The following MTAP variants were observed in gnomAD, a reference collection of about 807,000 sequenced individuals.
MTAP encodes the protein S-methyl-5'-thioadenosine phosphorylase.
A neutral mutation model predicts 33.6 loss-of-function variants in MTAP; 33 were observed. The ratio of observed to expected loss-of-function variants is 0.98; its 90% confidence interval spans 0.74 to 1.31. The LOEUF (loss-of-function observed/expected upper bound fraction) is 1.31. Among genes scored for constraint, MTAP ranks in the 40% most tolerant of loss-of-function variants. The pLI is 0.00. For synonymous variants in MTAP, 148 were observed against 125.7 expected (o/e 1.18, Z -1.19); for missense variants, 367 against 360.0 (o/e 1.02, Z -0.16).
rs1010284389 is a variant in MTAP, at chr9:21,864,330, T to C, written c.*2316T>C. ...TGAAGAACACTTCCTGGAACACTTCTCACTTGTGATGCTGTACTAATTTTT... is the reference window on the plus strand; with the variant it reads ...TGAAGAACACTTCCTGGAACACTTCCCACTTGTGATGCTGTACTAATTTTT... On this transcript the variant is annotated 3_prime_UTR_variant, in exon 8 of 8. Coordinates refer to ENST00000644715, the MANE Select transcript of MTAP (RefSeq NM_002451.4). 8 of 985,068 alleles carry C rather than the reference T, an allele frequency of 8.1e-6. No homozygotes were observed. The highest frequency in any genetic ancestry group is 9.6e-6 in the Non-Finnish European group (8 of 829,850). 61.0% of individuals were successfully genotyped at this position (985,068 alleles called of 1,614,324 possible). A position where few individuals can be genotyped will look rare whatever the true frequency, so the allele number is the denominator to read the frequency against.
At chr9:21,914,361 G>A (rs922492540) in intron 1 of MTAP, among the ~76,000 whole-genome samples, 2 of 152,108 alleles carry the variant, frequency 1.3e-5, no homozygotes, top group African/African-American at 4.8e-5. Flanking sequence ...ATTCACAATA[G>A]CAAAGACTTG....
chr9:21,854,408 C>T (rs1825586778), intron 5 of MTAP, among the ~76,000 whole-genome samples: 1 of 152,194 alleles, frequency 6.6e-6, no homozygotes, highest in African/African-American at 2.4e-5. Flanking sequence ...TTAGTTTCTA[C>T]ATGCAAAGGG....
chr9:21,819,799 C>A (rs1487452425), intron 4 of MTAP, among the ~76,000 whole-genome samples: 6 of 152,160 alleles, frequency 3.9e-5, no homozygotes, highest in East Asian at 1.9e-4. Flanking sequence ...CTCTCCAGCA[C>A]CTGTTGTTTC....
At chr9:21,920,448 C>G (rs1178747566) in intron 1 of MTAP, among the ~76,000 whole-genome samples, 2 of 152,132 alleles carry the variant, frequency 1.3e-5, no homozygotes, top group Admixed American at 1.3e-4. Flanking sequence ...TGGGCAAATT[C>G]AGGTTTTATG....
intron 1 of MTAP, among the ~76,000 whole-genome samples, chr9:21,906,921 C>T (rs1023572412): frequency 1.3e-5 from 2 of 152,114 alleles, no homozygotes; most frequent in African/African-American, 4.8e-5. Context: ...TCAAAGAATG[C>T]TTGGCAGTAA....
At chr9:21,806,015 G>C (rs1401363746) in intron 1 of MTAP, among the ~76,000 whole-genome samples, 1 of 152,198 alleles carries the variant, frequency 6.6e-6, no homozygotes, top group Non-Finnish European at 1.5e-5. Flanking sequence ...GAATTGGGTG[G>C]ATGCAGCTCA....
chr9:21,899,534 G>A (rs1205553112), intron 1 of MTAP, among the ~76,000 whole-genome samples: 1 of 152,102 alleles, frequency 6.6e-6, no homozygotes, highest in Non-Finnish European at 1.5e-5. Context: ...AGCATGGCTG[G>A]GGAGGCCTCA....
chr9:21,891,404 G>A (rs1462230754), intron 1 of MTAP, among the ~76,000 whole-genome samples: 2 of 152,072 alleles, frequency 1.3e-5, no homozygotes, highest in East Asian at 3.8e-4. Flanking sequence ...ACAGTAAAAT[G>A]ATACAAGAGC....
At chr9:21,872,156 T>A (rs938899158) in intron 1 of MTAP, among the ~76,000 whole-genome samples, 5 of 152,014 alleles carry the variant, frequency 3.3e-5, no homozygotes, top group African/African-American at 1.2e-4. Context: ...CTACTAAAAA[T>A]ACAAAAATTA....
chr9:21,802,647 T>C lies in MTAP; in HGVS notation c.-102T>C, dbSNP rs1824076949. The C allele has an allele frequency of 3.7e-6, 5 of 1,352,302 alleles. No individual in the cohort carries two copies. In the Admixed American group the frequency reaches 9.2e-5, roughly 25 times the overall value. The allele number at this position is 1,352,302 out of a possible 1,614,324, so 83.8% of individuals were successfully genotyped here. ...GGCCCGCCCCTGGTCTCCGCACTGC[T>C]CACTCCCGCGCAGTGAGGTTGGCAC... is the stretch of plus-strand genomic sequence containing the variant. On this transcript the variant is annotated 5_prime_UTR_variant, in exon 1 of 8. Coordinates refer to ENST00000644715, the MANE Select transcript of MTAP (RefSeq NM_002451.4).
At chr9:21,935,170 T>C (rs1170040490), downstream of MTAP, 2 of 152,200 alleles carry the variant, frequency 1.3e-5, no homozygotes, top group African/African-American at 2.4e-5. Context: ...TAGAATTCAA[T>C]TGAATTCTAT....
At chr9:21,811,602 C>A in intron 1 of MTAP, 1 of 475,548 alleles carries the variant, frequency 2.1e-6, no homozygotes, top group South Asian at 1.6e-5. Context: ...ACCCTTTACA[C>A]AGTAACAGAA....
intron 4 of MTAP, among the ~76,000 whole-genome samples, chr9:21,836,516 A>G (rs1825111078): frequency 6.6e-6 from 1 of 152,120 alleles, no homozygotes; most frequent in African/African-American, 2.4e-5. Context: ...TTCATATCAT[A>G]GTTATAAGTG....
intron 1 of MTAP, among the ~76,000 whole-genome samples, chr9:21,809,414 C>T (rs1235674246): frequency 1.3e-5 from 2 of 151,452 alleles, no homozygotes; most frequent in Admixed American, 6.6e-5. Context: ...CTGAGGCGGG[C>T]GGATCACAAG....
exon 8 of MTAP, chr9:21,936,932 G>A (rs937591912): frequency 6.6e-6 from 1 of 152,104 alleles, no homozygotes; most frequent in African/African-American, 2.4e-5. Flanking sequence ...TTATTTAAAG[G>A]TTGTTTCAGA....
At chr9:21,900,820 G>A (rs895219545) in intron 1 of MTAP, among the ~76,000 whole-genome samples, 1 of 152,164 alleles carries the variant, frequency 6.6e-6, no homozygotes, top group Admixed American at 6.5e-5. Flanking sequence ...TATACATCAC[G>A]CAATACTATG....
intron 1 of MTAP, among the ~76,000 whole-genome samples, chr9:21,884,967 C>T (rs1215972357): frequency 6.6e-6 from 1 of 152,072 alleles, no homozygotes; most frequent in Non-Finnish European, 1.5e-5. Flanking sequence ...ATTTTACTAA[C>T]CTTTAGAAGG....
At chr9:21,860,730 G>C (rs1825736300) in intron 7 of MTAP, 2 of 151,948 alleles carry the variant, frequency 1.3e-5, no homozygotes, top group Admixed American at 6.6e-5. Context: ...AAATGTCATA[G>C]AAGTTTGTTT....
At chr9:21,859,259 G>A in intron 6 of MTAP, 44 bp from the exon 7 acceptor site, 1 of 1,569,006 alleles carries the variant, frequency 6.4e-7, no homozygotes, top group Middle Eastern at 1.7e-4. Context: ...GACAAGCAGT[G>A]GAATTTTAAG....
Sources: gnomAD v4.1 joint callset for allele counts (sites outside exome capture counted in the v4.1 genomes callset) on GRCh38, gnomAD v4.1.1 for gene constraint, MANE v1.5 for transcripts, NCBI Gene and HGNC (gene_info 2026-07-23, HGNC 2026-07-21) for gene names.